ATG4B: variants seen among roughly 807,000 people sequenced by gnomAD.
The protein encoded by ATG4B is cysteine protease ATG4B.
ATG4B carries 29 observed loss-of-function variants against 56.6 expected under a neutral mutation model. The observed-to-expected ratio is 0.51, with a 90% CI of 0.38 to 0.70. The LOEUF (loss-of-function observed/expected upper bound fraction) is 0.70, where lower values mean the gene tolerates loss of function less well. Among genes scored for constraint, ATG4B ranks in the 30% least tolerant of loss-of-function variants. The pLI is 0.00. For synonymous variants in ATG4B, 224 were observed against 206.1 expected, an observed-to-expected ratio of 1.09 and a Z score of -0.74; for missense variants, 461 against 515.5, an observed-to-expected ratio of 0.89 and a Z score of 1.02.
intron 10 of ATG4B, 31 bp from the exon 11 acceptor site, chr2:241,670,695 T>C: frequency 6.3e-7 from 1 of 1,592,224 alleles, no homozygotes; most frequent in Non-Finnish European, 8.6e-7. Context: ...GATGGGGGTG[T>C]CGTGTTCTGC....
intron 10 of ATG4B, among the ~76,000 whole-genome samples, chr2:241,669,538 C>G (rs1486948049): frequency 6.6e-6 from 1 of 152,194 alleles, no homozygotes; most frequent in African/African-American, 2.4e-5. Flanking sequence ...GACGGAGTCT[C>G]ACTCTGTCGC....
Position 241,673,160 on chromosome 2 carries a change from T to G in ATG4B, c.*896T>G. ...GAATTGCCCTCCCATGCCGCTGAGG[T>G]GTTAGGTGGTTTAGGGCCAAAAGGG... On this transcript the variant is annotated 3_prime_UTR_variant, in exon 13 of 13. Transcript: ENST00000404914. 1 of 204,258 alleles carries G rather than the reference T, an allele frequency of 4.9e-6. No individual in the cohort carries two copies. The highest frequency in any genetic ancestry group is 1.0e-5 in the Non-Finnish European group (1 of 97,796). 12.7% of individuals were successfully genotyped at this position (204,258 alleles called of 1,614,324 possible). A position where few individuals can be genotyped will look rare whatever the true frequency, so the allele number is the denominator to read the frequency against.
intron 7 of ATG4B, among the ~76,000 whole-genome samples, chr2:241,665,548 C>T (rs180975126): frequency 3.3e-5 from 5 of 152,334 alleles, no homozygotes; most frequent in Non-Finnish European, 5.9e-5. Flanking sequence ...CCATCCCACA[C>T]GCTGGATTTG....
chr2:241,653,111 G>A (rs2068271319), intron 3 of ATG4B, among the ~76,000 whole-genome samples: 1 of 152,240 alleles, frequency 6.6e-6, no homozygotes, highest in Admixed American at 6.5e-5. Flanking sequence ...CTGCCCTTGC[G>A]GCCCTTCCTG....
intron 1 of ATG4B, 133 bp downstream of exon 1, chr2:241,637,857 G>A (rs1173614097): frequency 1.8e-6 from 2 of 1,098,152 alleles, no homozygotes; most frequent in Admixed American, 4.5e-5. Flanking sequence ...GGGGCGGCGG[G>A]CGCTGCGGGA....
rs1202966629 is a variant in ATG4B, at chr2:241,642,871, CCTTTTT to C, written c.10+5148_10+5153del. 5.7e-4 allele frequency among the ~76,000 whole-genome samples: 56 copies of C among 98,426 alleles called. 2 individuals are homozygous for C. Among genetic ancestry groups the C allele is most frequent in the East Asian group, 1.5e-3 (4 of 2,668 alleles). 64.6% of individuals were successfully genotyped at this position (98,426 alleles called of 152,430 possible). ...CTTAAGGTGTACAGCACCTCTCCGT[CCTTTTT>C]TTTTTTTTTTTTTTTTTTTTTAAGA... On this transcript the variant is annotated intron_variant, in intron 1 of 12. Coordinates refer to ENST00000404914, the MANE Select transcript of ATG4B (RefSeq NM_013325.5).
intron 7 of ATG4B, 62 bp downstream of exon 7, chr2:241,659,249 C>G (rs1343034519): frequency 1.4e-6 from 2 of 1,446,728 alleles, no homozygotes; most frequent in Non-Finnish European, 1.9e-6. Flanking sequence ...TACACACTTC[C>G]TCGCCTGAGT....
Position 241,668,142 on chromosome 2 carries a change from G to A in ATG4B, c.733-1G>A, listed in dbSNP as rs776695905. 1.3e-5 allele frequency: 20 copies of A among 1,596,624 alleles called. No individual in the cohort carries two copies. The highest frequency in any genetic ancestry group is 1.6e-5 in the Non-Finnish European group (19 of 1,172,268). ...GTGCTCAGTCCCCCGCCCCTCCACA[G>A]CACTGCTTCATGATGCCCCAGTCCC... On this transcript the variant is annotated splice_acceptor_variant, in intron 8 of 12. Transcript: ENST00000404914. LOFTEE classifies it high-confidence loss of function. The surrounding 1 kb of genome is among the most constrained non-coding windows in gnomAD (Gnocchi z 4.2).
chr2:241,666,590 G>GAA lies in ATG4B; in HGVS notation c.539-55_539-54insAA, dbSNP rs527778373. On this transcript the variant is annotated intron_variant, in intron 7 of 12. Transcript: ENST00000404914. ...CAGTCATCATTTGCTTGCTTGTTGT[G>GAA]GGAGCACTTTTGCACAGGTCTGCTT... 7.5e-4 allele frequency: 1,182 copies of GAA among 1,571,702 alleles called. 9 individuals are homozygous for GAA. The African/African-American group carries it at 0.014, about 19-fold the overall frequency.
intron 1 of ATG4B, among the ~76,000 whole-genome samples, chr2:241,648,944 G>A (rs1454251440): frequency 6.6e-6 from 1 of 152,200 alleles, no homozygotes; most frequent in Non-Finnish European, 1.5e-5. Flanking sequence ...CTGAGTCCTC[G>A]ATGTTAATGA....
rs764800002 is a variant in ATG4B, at chr2:241,668,630, G to A, written c.902G>A (p.Cys301Tyr). 5.7e-6 allele frequency: 9 copies of A among 1,577,846 alleles called. No homozygotes were observed. The highest frequency in any genetic ancestry group is 1.4e-5 in the African/African-American group (1 of 73,992). ...GCFIPDESFH[C>Y]QHPPCRMSIA... is the part of the protein sequence containing the mutation. ...TTCATCCCGGACGAGAGCTTCCACT[G>A]CCAGCACCCGCCGTGCCGCATGAGC... is the stretch of plus-strand genomic sequence containing the variant. The change falls in exon 10 of 13, where the codon TGC (cysteine) becomes TAC (tyrosine). Residue 301 changes from cysteine (C) to tyrosine (Y), a missense_variant. Coordinates refer to ENST00000404914, the MANE Select transcript of ATG4B (RefSeq NM_013325.5). The surrounding 1 kb of genome is among the most constrained non-coding windows in gnomAD (Gnocchi z 4.2).
At position 241,668,018 on chromosome 2, in the gene ATG4B, C is replaced by T; in HGVS notation, c.733-125C>T. 1.2e-6 allele frequency: 1 copy of T among 830,920 alleles called. No individual in the cohort carries two copies. The highest frequency in any genetic ancestry group is 1.7e-5 in the South Asian group (1 of 57,584). 51.5% of individuals were successfully genotyped at this position (830,920 alleles called of 1,614,324 possible). A position where few individuals can be genotyped will look rare whatever the true frequency, so the allele number is the denominator to read the frequency against. On this transcript the variant is annotated intron_variant, in intron 8 of 12. Coordinates refer to ENST00000404914, the MANE Select transcript of ATG4B (RefSeq NM_013325.5). The surrounding 1 kb of genome is among the most constrained non-coding windows in gnomAD (Gnocchi z 4.2). ...ACAGTAAGCTCTTTGGTACCATGTC[C>T]CCTCCTGTCCCCTCTTGTGTCACCC... is the stretch of plus-strand genomic sequence containing the variant.
At chr2:241,671,481 T>C in intron 12 of ATG4B, 76 bp downstream of exon 12, 2 of 1,574,112 alleles carry the variant, frequency 1.3e-6, no homozygotes, top group Non-Finnish European at 1.7e-6. Flanking sequence ...CTGGCCCCCT[T>C]GGTTTTGACC....
At chr2:241,661,233 G>T (rs541797275) in intron 7 of ATG4B, among the ~76,000 whole-genome samples, 1 of 152,230 alleles carries the variant, frequency 6.6e-6, no homozygotes, top group Non-Finnish European at 1.5e-5. Context: ...AAAGGACACT[G>T]TTCCTCACAG....
intron 7 of ATG4B, 194 bp downstream of exon 7, chr2:241,659,381 A>G: frequency 3.0e-6 from 2 of 668,712 alleles, no homozygotes; most frequent in Non-Finnish European, 5.7e-6. Flanking sequence ...TCATACCAAG[A>G]GAGGAGAGCC....
chr2:241,660,183 C>T (rs140480161), intron 7 of ATG4B, among the ~76,000 whole-genome samples: 3,633 of 152,232 alleles, frequency 0.024, 214 homozygotes, highest in East Asian at 0.19. Context: ...AGCGAGAATC[C>T]GTCCCCCGCC....
At position 241,664,900 on chromosome 2, in the gene ATG4B, G is replaced by C. The variant is rs2068712584; in HGVS notation, c.539-1745G>C. Among the ~76,000 whole-genome samples, 3 of 152,148 alleles carry C rather than the reference G, an allele frequency of 2.0e-5. No individual in the cohort carries two copies. In the South Asian group the frequency reaches 6.2e-4, roughly 32 times the overall value. On this transcript the variant is annotated intron_variant, in intron 7 of 12. Coordinates refer to ENST00000404914, the MANE Select transcript of ATG4B (RefSeq NM_013325.5). ...AATTGCTTGAGCCCAGAAGGCGGAG[G>C]TTGCAGTGAACCGAGATTATGCCAC... is the stretch of plus-strand genomic sequence containing the variant.
intron 1 of ATG4B, among the ~76,000 whole-genome samples, chr2:241,640,612 C>A (rs1169037373): frequency 6.6e-6 from 1 of 152,186 alleles, no homozygotes; most frequent in Non-Finnish European, 1.5e-5. Flanking sequence ...CCAGCATTAG[C>A]AGCGAAGTGC....
intron 1 of ATG4B, among the ~76,000 whole-genome samples, chr2:241,650,380 C>A (rs1179999191): frequency 6.6e-6 from 1 of 152,160 alleles, no homozygotes; most frequent in Non-Finnish European, 1.5e-5. Context: ...CCAGCACCTG[C>A]TCCTAACCAG....
Sources: allele counts gnomAD v4.1 joint callset (sites outside exome capture counted in the v4.1 genomes callset), GRCh38; gene constraint gnomAD v4.1.1; non-coding constraint Gnocchi (gnomAD v3.1); transcripts MANE v1.5; gene names NCBI Gene and HGNC (gene_info 2026-07-23, HGNC 2026-07-21).